PARD3B: variants seen among roughly 807,000 people sequenced by gnomAD.
PARD3B encodes partitioning defective 3 homolog B.
A neutral mutation model predicts 130.2 loss-of-function variants in PARD3B; 103 were observed. That is an observed-to-expected ratio of 0.79 (90% CI 0.67 to 0.93). The LOEUF (loss-of-function observed/expected upper bound fraction) is 0.93, where lower values mean the gene tolerates loss of function less well. Among genes scored for constraint, PARD3B ranks in the 40% least tolerant of loss-of-function variants. The pLI is 0.00. For missense variants in PARD3B, 1,609 were observed against 1,499.2 expected (o/e 1.07, Z -1.21); for synonymous variants, 583 against 553.2 (o/e 1.05, Z -0.76).
At chr2:205,283,115 C>G (rs932631743) in intron 16 of PARD3B, among the ~76,000 whole-genome samples, 1 of 152,308 alleles carries the variant, frequency 6.6e-6, no homozygotes, top group African/African-American at 2.4e-5. Flanking sequence ...CTGCTCCGCT[C>G]TATCTTAAAT....
chr2:205,206,204 C>CTTTTT (rs559433029), intron 15 of PARD3B, among the ~76,000 whole-genome samples: 3 of 131,594 alleles, frequency 2.3e-5, no homozygotes, highest in African/African-American at 3.0e-5. Context: ...TTCTGTGTTC[C>CTTTTT]TTTTTTTTTT....
intron 22 of PARD3B, among the ~76,000 whole-genome samples, chr2:205,614,529 C>A (rs528894296): frequency 2.4e-4 from 36 of 151,812 alleles, no homozygotes; most frequent in Non-Finnish European, 4.1e-4. Flanking sequence ...CATAATGAAA[C>A]CCATCTCTAC....
chr2:204,734,428 AT>A (rs953411334), intron 2 of PARD3B, among the ~76,000 whole-genome samples: 1 of 152,180 alleles, frequency 6.6e-6, no homozygotes, highest in Non-Finnish European at 1.5e-5. Flanking sequence ...AATGAAACTT[AT>A]GGTCCCACAA....
intron 2 of PARD3B, among the ~76,000 whole-genome samples, chr2:204,720,650 T>C (rs2038953831): frequency 6.6e-6 from 1 of 152,102 alleles, no homozygotes; most frequent in Non-Finnish European, 1.5e-5. Flanking sequence ...AAAAAAACAT[T>C]GTCTACTTTT....
intron 18 of PARD3B, among the ~76,000 whole-genome samples, chr2:205,337,770 G>T (rs1175354710): frequency 6.6e-6 from 1 of 152,160 alleles, no homozygotes; most frequent in South Asian, 2.1e-4. Flanking sequence ...ATAAGTGCTT[G>T]TGTCAAAAAA....
At chr2:205,224,858 C>A (rs1056316210) in intron 15 of PARD3B, among the ~76,000 whole-genome samples, 1 of 151,976 alleles carries the variant, frequency 6.6e-6, no homozygotes, top group African/African-American at 2.4e-5. Flanking sequence ...TTTTGCCAAC[C>A]TGGAACTGGC....
rs1280454128 is a variant in PARD3B, at chr2:204,887,310, G to A, written c.223-77842G>A. On this transcript the variant is annotated intron_variant, in intron 2 of 22. Coordinates refer to ENST00000406610, the MANE Select transcript of PARD3B (RefSeq NM_001302769.2). This position sits in a 1 kb window ranked among gnomAD's most constrained non-coding sequence, Gnocchi z 4.2. ...ATTTTCATTTAAGCCTATTTTGGAA[G>A]CTGAGTCACTTGCCACCTGCATATA... Among the ~76,000 whole-genome samples, 1 of 152,130 alleles carries A rather than the reference G, an allele frequency of 6.6e-6. No individual in the cohort carries two copies. Among genetic ancestry groups the A allele is most frequent in the Non-Finnish European group, 1.5e-5 (1 of 68,016 alleles).
chr2:204,612,203 A>T, intron 1 of PARD3B, among the ~76,000 whole-genome samples: 1 of 152,262 alleles, frequency 6.6e-6, no homozygotes, highest in East Asian at 1.9e-4. Flanking sequence ...GCTCAGCAGC[A>T]GCTGGTTGTT....
intron 2 of PARD3B, among the ~76,000 whole-genome samples, chr2:204,920,737 T>C (rs916194908): frequency 6.6e-6 from 1 of 152,210 alleles, no homozygotes; most frequent in African/African-American, 2.4e-5. Flanking sequence ...TTTTCATAAG[T>C]AAATGAATTA....
intron 21 of PARD3B, among the ~76,000 whole-genome samples, chr2:205,508,575 GAAAA>G: frequency 7.4e-6 from 1 of 134,336 alleles, no homozygotes; most frequent in Non-Finnish European, 1.6e-5. Context: ...CTTTCTCCAA[GAAAA>G]AAAAAAAAAA....
At chr2:205,494,480 T>C (rs1380623174) in intron 20 of PARD3B, among the ~76,000 whole-genome samples, 1 of 152,202 alleles carries the variant, frequency 6.6e-6, no homozygotes, top group African/African-American at 2.4e-5. Context: ...CATTCCGTTT[T>C]ATACCAGCTC....
At chr2:204,899,301 C>T (rs946066871) in intron 2 of PARD3B, among the ~76,000 whole-genome samples, 6 of 139,096 alleles carry the variant, frequency 4.3e-5, no homozygotes, top group Admixed American at 1.6e-4. Context: ...TGTCTTCCTT[C>T]CTTGCTGTCT....
chr2:204,739,647 G>A (rs1266642768), intron 2 of PARD3B, among the ~76,000 whole-genome samples: 4 of 151,918 alleles, frequency 2.6e-5, no homozygotes, highest in African/African-American at 9.7e-5. Flanking sequence ...TTATTGTAAT[G>A]GATATAAGGT....
At chr2:205,185,119 T>C (rs1227484112) in intron 13 of PARD3B, among the ~76,000 whole-genome samples, 1 of 152,202 alleles carries the variant, frequency 6.6e-6, no homozygotes, top group Non-Finnish European at 1.5e-5. Context: ...TCTATTCTTA[T>C]AGTACAGAAC....
intron 22 of PARD3B, among the ~76,000 whole-genome samples, chr2:205,555,044 T>C (rs1047029678): frequency 6.6e-6 from 1 of 152,180 alleles, no homozygotes; most frequent in Non-Finnish European, 1.5e-5. Flanking sequence ...AAAATTTGTT[T>C]TACATATAAG....
chr2:205,201,770 G>A (rs2037003714), intron 15 of PARD3B, among the ~76,000 whole-genome samples: 1 of 152,224 alleles, frequency 6.6e-6, no homozygotes, highest in African/African-American at 2.4e-5. Context: ...CTGGGAGGTG[G>A]AGTTTGCGGT....
intron 4 of PARD3B, among the ~76,000 whole-genome samples, chr2:205,054,419 T>A: frequency 5.3e-5 from 1 of 19,004 alleles, no homozygotes; most frequent in Non-Finnish European, 1.2e-4. Flanking sequence ...TATATATATA[T>A]ATATATATAT....
At chr2:204,989,947 G>A (rs1693507614) in intron 3 of PARD3B, among the ~76,000 whole-genome samples, 1 of 152,034 alleles carries the variant, frequency 6.6e-6, no homozygotes, top group Non-Finnish European at 1.5e-5. Context: ...TACTTAGAAT[G>A]AAATTGTTTG....
intron 1 of PARD3B, among the ~76,000 whole-genome samples, chr2:204,561,901 C>T (rs2031341082): frequency 6.6e-6 from 1 of 152,054 alleles, no homozygotes; most frequent in Non-Finnish European, 1.5e-5. Context: ...CCGGCCATCT[C>T]CCCTGTATTA....
Sources: allele counts gnomAD v4.1 joint callset (sites outside exome capture counted in the v4.1 genomes callset), GRCh38; gene constraint gnomAD v4.1.1; non-coding constraint Gnocchi (gnomAD v3.1); transcripts MANE v1.5; gene names NCBI Gene and HGNC (gene_info 2026-07-23, HGNC 2026-07-21).